Variants in SAMSN1 observed in about 807,000 individuals in gnomAD.
The protein encoded by SAMSN1 is SAM domain, SH3 domain and nuclear localization signals 1, also known as SAM domain-containing protein SAMSN-1.
SAMSN1 carries 31 observed loss-of-function variants against 42.0 expected under a neutral mutation model. The ratio of observed to expected loss-of-function variants is 0.74; its 90% confidence interval spans 0.55 to 1.00. The LOEUF (loss-of-function observed/expected upper bound fraction) is 1.00. Among genes scored for constraint, SAMSN1 ranks in the 50% least tolerant of loss-of-function variants. The probability of loss-of-function intolerance (pLI) is 0.00; values close to 1 mark genes in which losing one functional copy is unlikely to be tolerated. For synonymous variants in SAMSN1, 178 were observed against 151.9 expected, an observed-to-expected ratio of 1.17 and a Z score of -1.26; for missense variants, 464 against 439.4, an observed-to-expected ratio of 1.06 and a Z score of -0.50.
intron 7 of SAMSN1, among the ~76,000 whole-genome samples, chr21:14,589,487 G>A (rs1422721855): frequency 6.6e-6 from 1 of 151,710 alleles, no homozygotes; most frequent in Non-Finnish European, 1.5e-5. Flanking sequence ...ATAAGTATCA[G>A]GTACTTTCAG....
chr21:14,609,692 G>A (rs1015942485), intron 4 of SAMSN1: 2 of 662,350 alleles, frequency 3.0e-6, no homozygotes, highest in African/African-American at 3.6e-5. Flanking sequence ...TATCTTAAGA[G>A]AGCTCTAGTT....
chr21:14,625,077 GC>G (rs1983128482), intron 2 of SAMSN1, among the ~76,000 whole-genome samples: 1 of 151,942 alleles, frequency 6.6e-6, no homozygotes, highest in African/African-American at 2.4e-5. Flanking sequence ...AGATTCAACT[GC>G]CCTTCATGCT....
intron 2 of SAMSN1, among the ~76,000 whole-genome samples, chr21:14,637,931 T>TTG (rs151032398): frequency 2.0e-5 from 3 of 151,938 alleles, no homozygotes; most frequent in East Asian, 1.9e-4. Context: ...ATGGCACTGT[T>TTG]TGTGTGTGTG....
At chr21:14,541,213 T>A (rs1278149066) in intron 1 of SAMSN1, among the ~76,000 whole-genome samples, 1 of 151,710 alleles carries the variant, frequency 6.6e-6, no homozygotes, top group East Asian at 1.9e-4. Flanking sequence ...CTCACCAACA[T>A]GGCACATGTA....
chr21:14,635,717 G>C (rs538271110), intron 2 of SAMSN1, among the ~76,000 whole-genome samples: 2 of 152,272 alleles, frequency 1.3e-5, no homozygotes, highest in East Asian at 3.9e-4. Context: ...GCCCGGGTGT[G>C]GTGGTTTGCA....
Position 14,530,847 on chromosome 21 carries a change from A to G in SAMSN1, c.58-9626T>C, listed in dbSNP as rs559643178. Among the ~76,000 whole-genome samples, 47 of 152,352 alleles carry G rather than the reference A, an allele frequency of 3.1e-4. No individual in the cohort carries two copies. In the East Asian group the frequency reaches 8.5e-3, roughly 27 times the overall value. Reference sequence around the variant, plus strand: ...CAAATTTTGCATTACTAATTTTGTTATCTAGGTACCTTGATACAGGGAGGG... The same window carrying G: ...CAAATTTTGCATTACTAATTTTGTTGTCTAGGTACCTTGATACAGGGAGGG... On this transcript the variant is annotated intron_variant, in intron 1 of 7. Coordinates refer to ENST00000400566, the MANE Select transcript of SAMSN1 (RefSeq NM_022136.5).
chr21:14,568,252 G>A (rs1981183568), intron 2 of SAMSN1, among the ~76,000 whole-genome samples: 1 of 152,090 alleles, frequency 6.6e-6, no homozygotes, highest in African/African-American at 2.4e-5. Flanking sequence ...AGGTTTATAA[G>A]GCCTCTGATT....
At chr21:14,607,789 T>C (rs1333080613) in intron 5 of SAMSN1, among the ~76,000 whole-genome samples, 1 of 152,190 alleles carries the variant, frequency 6.6e-6, no homozygotes, top group African/African-American at 2.4e-5. Flanking sequence ...GGAAATAGAA[T>C]GCTTGAAGAA....
chr21:14,636,008 T>A (rs1192894196), intron 2 of SAMSN1, among the ~76,000 whole-genome samples: 3 of 152,136 alleles, frequency 2.0e-5, no homozygotes, highest in Non-Finnish European at 4.4e-5. Context: ...CCCTGCCCTG[T>A]GTCCAAGTGT....
At chr21:14,553,212 T>C (rs1199100364) in intron 2 of SAMSN1, among the ~76,000 whole-genome samples, 1 of 152,146 alleles carries the variant, frequency 6.6e-6, no homozygotes, top group African/African-American at 2.4e-5. Flanking sequence ...CATTAGTCAC[T>C]ATTAACATTA....
chr21:14,532,755 T>C (rs1294621007), intron 1 of SAMSN1, among the ~76,000 whole-genome samples: 1 of 152,146 alleles, frequency 6.6e-6, no homozygotes, highest in East Asian at 1.9e-4. Flanking sequence ...ATAGTCATAA[T>C]CTTAAAGTAA....
intron 7 of SAMSN1, among the ~76,000 whole-genome samples, chr21:14,590,792 C>A (rs1418454969): frequency 6.6e-6 from 1 of 152,150 alleles, no homozygotes; most frequent in Non-Finnish European, 1.5e-5. Flanking sequence ...AATTATTAAA[C>A]CCCTAAATCT....
chr21:14,654,758 C>T lies in SAMSN1; in HGVS notation c.24+3990G>A, dbSNP rs1176310883. ...ATCTGCTTGGAATAAGATCTCTGGA[C>T]CACCAATGTAAGCCCTGGTTTTTAA... On this transcript the variant is annotated intron_variant, in intron 1 of 15. Coordinates refer to the SAMSN1 transcript ENST00000647101. Among the ~76,000 whole-genome samples the T allele has an allele frequency of 5.3e-5, 8 of 151,974 alleles. 1 individual carries two copies. In the East Asian group the frequency reaches 1.4e-3, roughly 26 times the overall value.
rs990681015 is a variant in SAMSN1 at position 14,511,968 on chromosome 21, T to G, written c.409+476A>C. ...TAAATTGATGCAAATGTGCTACATT[T>G]TTCAGAGTACTTCAGGAAAAAAGGA... On this transcript the variant is annotated intron_variant, in intron 4 of 7. Transcript: ENST00000400566. Among the ~76,000 whole-genome samples the G allele has an allele frequency of 1.5e-4, 23 of 152,054 alleles. 1 individual carries two copies. Among genetic ancestry groups the G allele is most frequent in the Admixed American group, 2.6e-4 (4 of 15,272 alleles).
chr21:14,566,533 T>A (rs1349816841), intron 2 of SAMSN1, among the ~76,000 whole-genome samples: 2 of 151,910 alleles, frequency 1.3e-5, no homozygotes, highest in Non-Finnish European at 2.9e-5. Flanking sequence ...ACCTTCCATA[T>A]ATATATATAA....
At position 14,485,658 on chromosome 21, in the gene SAMSN1, T is replaced by A. The variant is rs1409891317; in HGVS notation, c.*254A>T. ...AGCATATGTCACACATACCAAAGTC[T>A]TACATTTTGCCTTTCTAATACAAGC... On this transcript the variant is annotated 3_prime_UTR_variant, in exon 8 of 8. Transcript: ENST00000400566. 1.5e-5 allele frequency: 5 copies of A among 324,920 alleles called. No individual in the cohort carries two copies. The Admixed American group carries it at 2.2e-4, about 14-fold the overall frequency. The allele number at this position is 324,920 out of a possible 1,614,324, so 20.1% of individuals were successfully genotyped here.
intron 2 of SAMSN1, among the ~76,000 whole-genome samples, chr21:14,563,303 C>A (rs1250528928): frequency 6.6e-6 from 1 of 152,082 alleles, no homozygotes; most frequent in African/African-American, 2.4e-5. Flanking sequence ...AATTATATGA[C>A]ATAGCCAAAA....
chr21:14,489,992 G>C (rs1028980139), intron 7 of SAMSN1, among the ~76,000 whole-genome samples: 3 of 152,028 alleles, frequency 2.0e-5, no homozygotes, highest in Non-Finnish European at 1.5e-5. Context: ...CTGGGAAAAA[G>C]TTCTACTCTA....
chr21:14,544,275 T>C (rs1028636059), intron 1 of SAMSN1, among the ~76,000 whole-genome samples: 3 of 152,160 alleles, frequency 2.0e-5, no homozygotes, highest in South Asian at 2.1e-4. Flanking sequence ...GGGCTGGAAC[T>C]CCTGAACTCA....
Sources: allele counts gnomAD v4.1 joint callset (sites outside exome capture counted in the v4.1 genomes callset), GRCh38; gene constraint gnomAD v4.1.1; transcripts MANE v1.5; gene names NCBI Gene and HGNC (gene_info 2026-07-23, HGNC 2026-07-21).